LCORL: variants seen among roughly 807,000 people sequenced by gnomAD.
LCORL encodes ligand dependent nuclear receptor corepressor like.
Under a neutral mutation model 141.8 loss-of-function variants are expected in LCORL, and 41 were observed. The ratio of observed to expected loss-of-function variants is 0.29; its 90% CI spans 0.23 to 0.38. The LOEUF is 0.38. LCORL is among the 10% of genes least tolerant of loss of function. The probability of loss-of-function intolerance (pLI) is 1.00; values close to 1 mark genes in which losing one functional copy is unlikely to be tolerated. For synonymous variants in LCORL, 618 were observed against 694.1 expected (o/e 0.89, Z 1.72); for missense variants, 1,759 against 2,035.0 (o/e 0.86, Z 2.61).
intron 4 of LCORL, 109 bp from the exon 5 acceptor site, chr4:17,909,454 AG>A: frequency 4.6e-6 from 3 of 657,782 alleles, no homozygotes; most frequent in Admixed American, 3.5e-5. Context: ...TTTTAGCATC[AG>A]TCCATAACTC....
intron 4 of LCORL, among the ~76,000 whole-genome samples, chr4:17,928,252 C>G (rs780681871): frequency 1.3e-5 from 2 of 152,014 alleles, no homozygotes; most frequent in African/African-American, 2.4e-5. Context: ...ACAAAAAATA[C>G]AAAAATTTAG....
chr4:18,003,924 G>C (rs1057476799), intron 1 of LCORL, among the ~76,000 whole-genome samples: 1 of 152,188 alleles, frequency 6.6e-6, no homozygotes, highest in Non-Finnish European at 1.5e-5. Context: ...ACCTGGGGGA[G>C]GGGTGCACCA....
At position 17,842,421 on chromosome 4, in the gene LCORL, C is replaced by A; in HGVS notation, c.*3467G>T. The A allele has an allele frequency of 4.7e-6, 7 of 1,501,210 alleles. No homozygotes were observed. In the South Asian group the frequency reaches 8.1e-5, roughly 17 times the overall value. The allele number at this position is 1,501,210 out of a possible 1,614,324, so 93.0% of individuals were successfully genotyped here. A position where few individuals can be genotyped will look rare whatever the true frequency, so the allele number is the denominator to read the frequency against. ...TAGAATATATGGAGGCCTATCTTCA[C>A]TTTTTATTTCTACAAGTAGAAAAAA... On this transcript the variant is annotated 3_prime_UTR_variant, in exon 8 of 8. Transcript: ENST00000635767.
intron 7 of LCORL, among the ~76,000 whole-genome samples, chr4:17,870,705 T>C (rs1367166592): frequency 6.6e-6 from 1 of 152,228 alleles, no homozygotes; most frequent in Non-Finnish European, 1.5e-5. Flanking sequence ...GATGTAGCTC[T>C]TGTTTTCTCC....
intron 7 of LCORL, among the ~76,000 whole-genome samples, chr4:17,862,190 AC>A (rs1287383245): frequency 6.6e-6 from 1 of 152,220 alleles, no homozygotes; most frequent in African/African-American, 2.4e-5. Flanking sequence ...TGGGCAATTT[AC>A]AAAGGAAAGA....
At chr4:17,891,759 C>T (rs1005134126) in intron 5 of LCORL, among the ~76,000 whole-genome samples, 3 of 152,084 alleles carry the variant, frequency 2.0e-5, no homozygotes, top group Admixed American at 2.0e-4. Flanking sequence ...GCATGTAAAA[C>T]AAGAACCCCC....
chr4:18,013,172 T>G (rs892532865), intron 1 of LCORL, among the ~76,000 whole-genome samples: 18 of 138,834 alleles, frequency 1.3e-4, no homozygotes, highest in Non-Finnish European at 2.1e-4. Context: ...TCTCTCCTCT[T>G]GGATTTGGTA....
intron 5 of LCORL, among the ~76,000 whole-genome samples, chr4:17,895,928 T>C (rs991748827): frequency 6.6e-6 from 1 of 152,236 alleles, no homozygotes; most frequent in Non-Finnish European, 1.5e-5. Flanking sequence ...ATATTTTACT[T>C]ATCCTTTCTT....
At chr4:18,005,716 C>T (rs537982835) in intron 1 of LCORL, among the ~76,000 whole-genome samples, 12 of 152,314 alleles carry the variant, frequency 7.9e-5, no homozygotes, top group East Asian at 1.9e-4. Flanking sequence ...TCTGAGGCCA[C>T]GGCCCGAGCT....
At chr4:17,875,677 C>A in exon 7 of LCORL, 2 of 1,231,252 alleles carry the variant, frequency 1.6e-6, no homozygotes, top group South Asian at 8.2e-5. Flanking sequence ...TTTGTTTGAT[C>A]AATTTTAGGC....
chr4:17,939,074 T>C (rs948758633), intron 4 of LCORL, among the ~76,000 whole-genome samples: 2 of 152,182 alleles, frequency 1.3e-5, no homozygotes, highest in Non-Finnish European at 2.9e-5. Context: ...AACAAACACC[T>C]ACAAATCAAC....
intron 1 of LCORL, among the ~76,000 whole-genome samples, chr4:17,980,650 TTTCA>T (rs1438130164): frequency 1.3e-5 from 2 of 152,170 alleles, no homozygotes; most frequent in Non-Finnish European, 2.9e-5. Flanking sequence ...ATCCAGCACT[TTTCA>T]TTGTTTTTAG....
intron 7 of LCORL, among the ~76,000 whole-genome samples, chr4:17,859,327 G>A (rs1724726451): frequency 6.6e-6 from 1 of 152,068 alleles, no homozygotes; most frequent in South Asian, 2.1e-4. Flanking sequence ...AACTTACAAG[G>A]GTTTATTGGG....
intron 5 of LCORL, among the ~76,000 whole-genome samples, chr4:17,898,455 G>A (rs1465625593): frequency 2.0e-5 from 3 of 152,064 alleles, no homozygotes; most frequent in South Asian, 2.1e-4. Flanking sequence ...TCTGTTGAGA[G>A]CACTTCCATT....
chr4:17,864,049 A>G (rs933304708), intron 7 of LCORL, among the ~76,000 whole-genome samples: 4 of 152,182 alleles, frequency 2.6e-5, no homozygotes, highest in Non-Finnish European at 4.4e-5. Flanking sequence ...ATTGGGTAGT[A>G]TGCTTATTAC....
chr4:17,915,059 T>G (rs1233304311), intron 4 of LCORL, among the ~76,000 whole-genome samples: 1 of 152,118 alleles, frequency 6.6e-6, no homozygotes, highest in African/African-American at 2.4e-5. Flanking sequence ...TGTTTTCTCT[T>G]TTGCCCCTCT....
intron 4 of LCORL, among the ~76,000 whole-genome samples, chr4:17,931,603 A>T (rs1012339444): frequency 6.6e-6 from 1 of 152,054 alleles, no homozygotes; most frequent in African/African-American, 2.4e-5. Flanking sequence ...TTAATACTGC[A>T]GGTAAATAAG....
intron 4 of LCORL, among the ~76,000 whole-genome samples, chr4:17,924,715 T>A (rs981297290): frequency 2.0e-5 from 3 of 152,156 alleles, no homozygotes; most frequent in Non-Finnish European, 4.4e-5. Context: ...ACTTTATAGC[T>A]AAAGAAGTGA....
At chr4:17,976,368 G>A (rs1716971172) in intron 1 of LCORL, among the ~76,000 whole-genome samples, 1 of 152,090 alleles carries the variant, frequency 6.6e-6, no homozygotes, top group African/African-American at 2.4e-5. Context: ...TAAGTTAAAT[G>A]AGAAGTTTGT....
Sources: gnomAD v4.1 joint callset for allele counts (sites outside exome capture counted in the v4.1 genomes callset) on GRCh38, gnomAD v4.1.1 for gene constraint, MANE v1.5 for transcripts, NCBI Gene and HGNC (gene_info 2026-07-23, HGNC 2026-07-21) for gene names.